MED15: variants seen among roughly 807,000 people sequenced by gnomAD.
MED15 encodes the protein mediator complex subunit 15, also known as mediator of RNA polymerase II transcription subunit 15.
MED15 carries 41 observed loss-of-function variants against 118.7 expected under a neutral mutation model. The observed-to-expected ratio is 0.35, with a 90% confidence interval of 0.27 to 0.45. The LOEUF is 0.45. MED15 is among the 20% of genes least tolerant of loss of function. The probability of loss-of-function intolerance (pLI) is 1.00; values close to 1 mark genes in which losing one functional copy is unlikely to be tolerated. For synonymous variants in MED15, 436 were observed against 413.9 expected, an observed-to-expected ratio of 1.05 and a Z score of -0.65; for missense variants, 740 against 1,025.5, an observed-to-expected ratio of 0.72 and a Z score of 3.80.
intron 2 of MED15, among the ~76,000 whole-genome samples, chr22:20,543,111 TTGTGTGTGTGTGTG>T (rs61279859): frequency 0.028 from 4,002 of 141,220 alleles, 155 homozygotes; most frequent in African/African-American, 0.087. Context: ...TCTCTCTTCT[TTGTGTGTGTGTGTG>T]TGTGTGTGTG....
chr22:20,531,006 A>G (rs2054839603), intron 1 of MED15, among the ~76,000 whole-genome samples: 1 of 152,106 alleles, frequency 6.6e-6, no homozygotes, highest in Admixed American at 6.5e-5. Flanking sequence ...GTGCCTTATA[A>G]TATTAACTAC....
intron 4 of MED15, chr22:20,554,681 G>A (rs2055919472): frequency 5.3e-6 from 2 of 379,074 alleles, no homozygotes; most frequent in South Asian, 7.5e-5. Flanking sequence ...CATCAGAGAG[G>A]TCATTTGTCC....
intron 1 of MED15, 144 bp downstream of exon 1, chr22:20,507,890 C>T (rs1456870084): frequency 4.9e-5 from 72 of 1,478,076 alleles, no homozygotes; most frequent in Non-Finnish European, 5.9e-5. Flanking sequence ...AGGGCTCGGG[C>T]CCCCCCGTCT....
intron 9 of MED15, among the ~76,000 whole-genome samples, chr22:20,576,457 AC>A (rs1298631006): frequency 6.6e-6 from 1 of 152,250 alleles, no homozygotes; most frequent in Non-Finnish European, 1.5e-5. Context: ...CACACACCAC[AC>A]ACTGCCAAGA....
chr22:20,583,475 G>A (rs2057048425), intron 13 of MED15, 82 bp downstream of exon 13: 3 of 1,530,516 alleles, frequency 2.0e-6, no homozygotes, highest in East Asian at 4.5e-5. Flanking sequence ...GATGATGTGG[G>A]TTTAACAAAG....
chr22:20,567,217 A>G (rs2056476219), intron 7 of MED15, among the ~76,000 whole-genome samples: 1 of 152,152 alleles, frequency 6.6e-6, no homozygotes, highest in Non-Finnish European at 1.5e-5. Flanking sequence ...TTCTAAGCAA[A>G]TATCTTTTTT....
intron 1 of MED15, among the ~76,000 whole-genome samples, chr22:20,509,189 G>A (rs1173851277): frequency 1.3e-5 from 2 of 152,102 alleles, no homozygotes; most frequent in Non-Finnish European, 2.9e-5. Context: ...GAATGAGGGT[G>A]AGCAGGTACT....
intron 14 of MED15, 192 bp downstream of exon 14, chr22:20,584,617 C>T (rs1569253829): frequency 7.3e-6 from 6 of 818,776 alleles, no homozygotes; most frequent in African/African-American, 1.7e-5. Flanking sequence ...CCTCTGTCTA[C>T]GGCCCCCGTG....
intron 8 of MED15, 80 bp from the exon 9 acceptor site, chr22:20,575,033 T>C: frequency 6.3e-7 from 1 of 1,588,352 alleles, no homozygotes. Flanking sequence ...TTGCAGAGGC[T>C]ACACGTGCCC....
intron 17 of MED15, among the ~76,000 whole-genome samples, 153 bp from the exon 18 acceptor site, chr22:20,586,415 G>GGA (rs1386359222): frequency 2.0e-5 from 3 of 152,246 alleles, no homozygotes; most frequent in Non-Finnish European, 4.4e-5. Context: ...GGCTCTGGGA[G>GGA]GAGAGCCCAA....
In MED15 at chr22:20,559,595, A is replaced by G. The variant is rs146479025; in HGVS notation, c.451+4447A>G. On this transcript the variant is annotated intron_variant, in intron 5 of 17. Transcript: ENST00000263205. Reference sequence around the variant, plus strand: ...GTGAGACTGCAGAGCACCAAAGGCCAGAGGAATGTCTTAGAAATAGGCAGT... The same window carrying G: ...GTGAGACTGCAGAGCACCAAAGGCCGGAGGAATGTCTTAGAAATAGGCAGT... 1.9e-3 allele frequency among the ~76,000 whole-genome samples: 286 copies of G among 152,372 alleles called. 9 individuals carry two copies. Among genetic ancestry groups the G allele is most frequent in the Non-Finnish European group, 2.8e-4 (19 of 68,030 alleles).
intron 1 of MED15, among the ~76,000 whole-genome samples, chr22:20,529,698 C>G (rs2054785961): frequency 6.6e-6 from 1 of 152,218 alleles, no homozygotes; most frequent in African/African-American, 2.4e-5. Flanking sequence ...CTCCCGGGTT[C>G]AAGCCATCCT....
chr22:20,573,616 T>G (rs539277776), intron 8 of MED15: 2 of 152,360 alleles, frequency 1.3e-5, no homozygotes, highest in African/African-American at 4.8e-5. Flanking sequence ...TAAACATAAC[T>G]GGTGCGTTTG....
At chr22:20,582,080 G>T (rs2057002665) in intron 9 of MED15, 1 of 165,986 alleles carries the variant, frequency 6.0e-6, no homozygotes, top group African/African-American at 2.4e-5. Context: ...GGACAGCCTG[G>T]GACCAGCCCT....
chr22:20,507,874 G>T (rs1469382206), intron 1 of MED15, 128 bp downstream of exon 1: 15 of 1,506,128 alleles, frequency 1.0e-5, no homozygotes, highest in Non-Finnish European at 1.2e-5. Context: ...GACTTGCGTG[G>T]GTCCCAGGGC....
At chr22:20,575,026 C>T (rs2056780192) in intron 8 of MED15, 87 bp from the exon 9 acceptor site, 3 of 1,567,152 alleles carry the variant, frequency 1.9e-6, no homozygotes, top group Admixed American at 1.7e-5. Context: ...CTCCTTCTTG[C>T]AGAGGCTACA....
At chr22:20,554,560 A>T (rs1044920714) in intron 4 of MED15, 1 of 173,102 alleles carries the variant, frequency 5.8e-6, no homozygotes, top group Admixed American at 6.1e-5. Context: ...CTTGCTCAGA[A>T]GGGCCCATCG....
chr22:20,583,623 G>A (rs1445762069), intron 13 of MED15: 6 of 549,936 alleles, frequency 1.1e-5, no homozygotes, highest in Admixed American at 3.1e-5. Flanking sequence ...TGGCCCTCAT[G>A]CTGGGCCATC....
intron 1 of MED15, among the ~76,000 whole-genome samples, chr22:20,524,064 T>TA (rs1187074111): frequency 2.6e-5 from 4 of 152,186 alleles, no homozygotes; most frequent in Non-Finnish European, 5.9e-5. Context: ...TTTATCTTGT[T>TA]AAAAAAACAC....
Sources: gnomAD v4.1 joint callset for allele counts (sites outside exome capture counted in the v4.1 genomes callset) on GRCh38, gnomAD v4.1.1 for gene constraint, MANE v1.5 for transcripts, NCBI Gene and HGNC (gene_info 2026-07-23, HGNC 2026-07-21) for gene names.